Variants in PLEKHG1 observed in about 807,000 individuals in gnomAD.
PLEKHG1 encodes the protein pleckstrin homology domain-containing family G member 1.
PLEKHG1 carries 44 observed loss-of-function variants against 100.8 expected under a neutral mutation model. The observed-to-expected ratio is 0.44, with a 90% CI of 0.34 to 0.56. The LOEUF is 0.56. Ranked by LOEUF, PLEKHG1 falls within the 20% of genes least tolerant of loss-of-function variation. The pLI is 0.01. For synonymous variants in PLEKHG1, 640 were observed against 662.5 expected, an observed-to-expected ratio of 0.97 and a Z score of 0.52; for missense variants, 1,545 against 1,720.9, an observed-to-expected ratio of 0.90 and a Z score of 1.81.
intron 3 of PLEKHG1, among the ~76,000 whole-genome samples, chr6:150,698,123 G>T (rs973977141): frequency 1.3e-5 from 2 of 152,152 alleles, no homozygotes; most frequent in African/African-American, 4.8e-5. Flanking sequence ...GATATTTGGG[G>T]GATGGGACCC....
Position 150,835,607 on chromosome 6 carries a change from G to A in PLEKHG1, c.3094+3402G>A, listed in dbSNP as rs1777183117. On this transcript the variant is annotated intron_variant, in intron 15 of 15. Transcript: ENST00000358517. ...TACAACTGTTAATACTAGAACTAAGGATATGGGGGAGCCTCAACTCAGCTG... is the reference window on the plus strand; with the variant it reads ...TACAACTGTTAATACTAGAACTAAGAATATGGGGGAGCCTCAACTCAGCTG... Among the ~76,000 whole-genome samples the A allele has an allele frequency of 3.3e-5, 5 of 152,114 alleles. No homozygotes were observed. The South Asian group carries it at 1.0e-3, about 32-fold the overall frequency.
exon 16 of PLEKHG1, chr6:150,840,850 C>G (rs1453528021): frequency 6.2e-7 from 1 of 1,613,036 alleles, no homozygotes; most frequent in Non-Finnish European, 8.5e-7. Context: ...ATTGTCCAGT[C>G]TCTAAGGGAA....
At chr6:150,715,809 C>G (rs1771007286) in intron 3 of PLEKHG1, among the ~76,000 whole-genome samples, 1 of 148,992 alleles carries the variant, frequency 6.7e-6, no homozygotes, top group Non-Finnish European at 1.5e-5. Context: ...GTCATGTGCT[C>G]ATAGAAAATG....
intron 1 of PLEKHG1, among the ~76,000 whole-genome samples, chr6:150,628,068 A>G (rs1429130863): frequency 4.6e-5 from 7 of 152,222 alleles, no homozygotes; most frequent in Non-Finnish European, 1.0e-4. Context: ...TCTTGTACAG[A>G]ATAAATATTG....
chr6:150,791,050 C>T (rs1182783457), intron 4 of PLEKHG1, among the ~76,000 whole-genome samples: 1 of 152,106 alleles, frequency 6.6e-6, no homozygotes, highest in African/African-American at 2.4e-5. Flanking sequence ...AGAATATATA[C>T]TCCTCTGGGG....
At chr6:150,636,635 T>C (rs1472964318) in intron 1 of PLEKHG1, among the ~76,000 whole-genome samples, 1 of 152,178 alleles carries the variant, frequency 6.6e-6, no homozygotes, top group Non-Finnish European at 1.5e-5. Context: ...AGAGTTTAGA[T>C]AAAAATCTCT....
chr6:150,646,891 A>C (rs564584650), intron 2 of PLEKHG1, among the ~76,000 whole-genome samples: 1 of 152,212 alleles, frequency 6.6e-6, no homozygotes, highest in Non-Finnish European at 1.5e-5. Context: ...TGGGAGGAAC[A>C]TTGGTAGATT....
At chr6:150,720,613 C>T (rs2128609114), upstream of PLEKHG1, among the ~76,000 whole-genome samples, 1 of 151,252 alleles carries the variant, frequency 6.6e-6, no homozygotes, top group South Asian at 2.1e-4. Context: ...TTATTCACAC[C>T]CCACCCCCAC....
At chr6:150,646,900 T>C (rs1778526287) in intron 2 of PLEKHG1, among the ~76,000 whole-genome samples, 1 of 152,210 alleles carries the variant, frequency 6.6e-6, no homozygotes, top group Non-Finnish European at 1.5e-5. Flanking sequence ...CATTGGTAGA[T>C]TTACCCTTTT....
At chr6:150,751,464 C>CT (rs1783507338) in intron 2 of PLEKHG1, among the ~76,000 whole-genome samples, 1 of 152,172 alleles carries the variant, frequency 6.6e-6, no homozygotes. Flanking sequence ...CTACTGATGA[C>CT]TAGCGATGGC....
At chr6:150,714,793 A>T (rs1411025932) in intron 3 of PLEKHG1, among the ~76,000 whole-genome samples, 5 of 151,290 alleles carry the variant, frequency 3.3e-5, no homozygotes, top group Non-Finnish European at 7.4e-5. Context: ...CTTTAGACCT[A>T]TGTCTTTTGC....
At chr6:150,783,574 T>TTCATGGCCAACA (rs1785446478) in intron 3 of PLEKHG1, among the ~76,000 whole-genome samples, 1 of 152,122 alleles carries the variant, frequency 6.6e-6, no homozygotes, top group African/African-American at 2.4e-5. Context: ...TTCACTGTGT[T>TTCATGGCCAACA]GGCCGTGCTG....
At chr6:150,654,677 T>C (rs1778894158) in intron 3 of PLEKHG1, among the ~76,000 whole-genome samples, 2 of 152,252 alleles carry the variant, frequency 1.3e-5, no homozygotes, top group Admixed American at 1.3e-4. Context: ...GCTCAGCCCT[T>C]CACATGTCTT....
chr6:150,652,313 A>G (rs1165592268), intron 3 of PLEKHG1, among the ~76,000 whole-genome samples: 2 of 152,218 alleles, frequency 1.3e-5, no homozygotes, highest in South Asian at 2.1e-4. Flanking sequence ...AAGGCCTGCA[A>G]TGGTAAACTA....
At chr6:150,628,860 T>C (rs1409512235) in intron 1 of PLEKHG1, among the ~76,000 whole-genome samples, 1 of 152,130 alleles carries the variant, frequency 6.6e-6, no homozygotes, top group African/African-American at 2.4e-5. Context: ...AGTGCTGTCA[T>C]CCACATGCAA....
intron 2 of PLEKHG1, among the ~76,000 whole-genome samples, chr6:150,758,984 A>T (rs1784003099): frequency 6.6e-6 from 1 of 152,120 alleles, no homozygotes; most frequent in South Asian, 2.1e-4. Context: ...GTGCTCAGAG[A>T]GCTGATCGAA....
chr6:150,641,052 G>T lies in PLEKHG1; in HGVS notation c.-158+2927G>T, dbSNP rs551524819. 9.9e-5 allele frequency among the ~76,000 whole-genome samples: 15 copies of T among 152,156 alleles called. No individual in the cohort carries two copies. In the South Asian group the frequency reaches 2.7e-3, roughly 27 times the overall value. On this transcript the variant is annotated intron_variant, in intron 2 of 3. Coordinates refer to the PLEKHG1 transcript ENST00000367326. ...CTTATCTGTGCACTACAAGTGTCCT[G>T]CCCTTTGATCTGGGCTTAACTCCAC...
Position 150,816,717 on chromosome 6 carries a change from AT to A in PLEKHG1, c.1279-1464del, listed in dbSNP as rs550732078. The stretch of plus-strand genomic sequence containing the variant: ...AAAGCCTGCCACCAGATGCAGCTTA[AT>A]TGCTCCTTGACACTCACTGACAGGG... On this transcript the variant is annotated intron_variant, in intron 10 of 15. Coordinates refer to ENST00000358517, the Ensembl canonical transcript of PLEKHG1. Among the ~76,000 whole-genome samples, 151 of 152,278 alleles carry A rather than the reference AT, an allele frequency of 9.9e-4. 1 individual carries two copies. The highest frequency in any genetic ancestry group is 3.4e-3 in the African/African-American group (143 of 41,570).
chr6:150,767,648 T>C (rs1303500749), intron 2 of PLEKHG1, among the ~76,000 whole-genome samples: 1 of 152,212 alleles, frequency 6.6e-6, no homozygotes, highest in Non-Finnish European at 1.5e-5. Flanking sequence ...TTTCTCTAGC[T>C]GCATCTAAAC....
Sources: gnomAD v4.1 joint callset for allele counts (sites outside exome capture counted in the v4.1 genomes callset) on GRCh38, gnomAD v4.1.1 for gene constraint, MANE v1.5 for transcripts, NCBI Gene and HGNC (gene_info 2026-07-23, HGNC 2026-07-21) for gene names.